Variants in DGKB observed in about 807,000 individuals in gnomAD.
The protein encoded by DGKB is 90 kDa diacylglycerol kinase.
A neutral mutation model predicts 114.3 loss-of-function variants in DGKB; 67 were observed. The ratio of observed to expected loss-of-function variants is 0.59; its 90% confidence interval spans 0.48 to 0.72. The LOEUF is 0.72. DGKB is among the 30% of genes least tolerant of loss of function. The pLI is 0.00. For synonymous variants in DGKB, 398 were observed against 323.1 expected, an observed-to-expected ratio of 1.23 and a Z score of -2.49; for missense variants, 907 against 975.2, an observed-to-expected ratio of 0.93 and a Z score of 0.93.
intron 13 of DGKB, among the ~76,000 whole-genome samples, chr7:14,636,810 A>G (rs1810841109): frequency 6.6e-6 from 1 of 151,930 alleles, no homozygotes; most frequent in African/African-American, 2.4e-5. Context: ...AACAATTCGA[A>G]AAGCCCAGAT....
intron 9 of DGKB, among the ~76,000 whole-genome samples, chr7:14,689,325 C>G (rs1830029): frequency 0.8 from 121,357 of 151,002 alleles, 48,725 homozygotes; most frequent in East Asian, 0.85. Context: ...CCTGCCTTCA[C>G]CCACTGCGCC....
chr7:14,149,836 A>C (rs1781921230), intron 25 of DGKB, among the ~76,000 whole-genome samples: 1 of 152,208 alleles, frequency 6.6e-6, no homozygotes, highest in Non-Finnish European at 1.5e-5. Flanking sequence ...AATTGGTAAT[A>C]TAATAGAATC....
At chr7:14,201,102 G>A (rs1785796582) in intron 23 of DGKB, among the ~76,000 whole-genome samples, 1 of 151,936 alleles carries the variant, frequency 6.6e-6, no homozygotes, top group Non-Finnish European at 1.5e-5. Flanking sequence ...TCACAGTTCT[G>A]GAGGCTGGAA....
At chr7:14,253,944 G>A (rs1227381487) in intron 23 of DGKB, among the ~76,000 whole-genome samples, 1 of 152,134 alleles carries the variant, frequency 6.6e-6, no homozygotes, top group African/African-American at 2.4e-5. Context: ...AGGTTATAAA[G>A]GTTATGTGTT....
intron 23 of DGKB, among the ~76,000 whole-genome samples, chr7:14,274,487 C>T (rs546618831): frequency 6.6e-6 from 1 of 152,208 alleles, no homozygotes; most frequent in African/African-American, 2.4e-5. Context: ...TTATCTTTAT[C>T]ACTTGATACC....
At chr7:14,670,310 C>T (rs141871877) in intron 13 of DGKB, among the ~76,000 whole-genome samples, 1 of 151,024 alleles carries the variant, frequency 6.6e-6, no homozygotes, top group South Asian at 2.1e-4. Context: ...TACACACACA[C>T]ATTTTTTTTT....
chr7:14,425,472 G>A (rs138957495), intron 21 of DGKB, among the ~76,000 whole-genome samples: 1 of 152,066 alleles, frequency 6.6e-6, no homozygotes, highest in African/African-American at 2.4e-5. Context: ...TTTTCATACT[G>A]AAATCAAATA....
At chr7:14,554,742 GC>G (rs1795633999) in intron 20 of DGKB, among the ~76,000 whole-genome samples, 1 of 151,908 alleles carries the variant, frequency 6.6e-6, no homozygotes, top group South Asian at 2.1e-4. Flanking sequence ...AATTTGAAAG[GC>G]AAAATATGGT....
At chr7:14,799,131 C>G (rs377693264) in intron 2 of DGKB, among the ~76,000 whole-genome samples, 35 of 152,234 alleles carry the variant, frequency 2.3e-4, no homozygotes, top group African/African-American at 7.9e-4. Flanking sequence ...ATTGAAACAT[C>G]GGTACCAGAT....
At chr7:14,569,034 T>C (rs1477122118) in intron 20 of DGKB, among the ~76,000 whole-genome samples, 1 of 152,206 alleles carries the variant, frequency 6.6e-6, no homozygotes, top group Non-Finnish European at 1.5e-5. Context: ...TTGTTATATA[T>C]TCAGGAATGA....
rs545076801 is a variant in DGKB, at chr7:14,161,139, C to T, written c.2305-11901G>A. ...TAACATCTCACGCCAGTTAGAATGG[C>T]GATCATTAAAAAGTCAGGAAACAAC... On this transcript the variant is annotated intron_variant, in intron 25 of 25. Transcript: ENST00000402815. Among the ~76,000 whole-genome samples the T allele has an allele frequency of 7.2e-5, 11 of 152,176 alleles. No homozygotes were observed. In the East Asian group the frequency reaches 1.5e-3, roughly 21 times the overall value.
At chr7:14,418,361 A>ATGTG (rs1170054869) in intron 21 of DGKB, among the ~76,000 whole-genome samples, 6 of 100,660 alleles carry the variant, frequency 6.0e-5, no homozygotes, top group African/African-American at 2.3e-4. Context: ...TCACATATAT[A>ATGTG]TGTGTGTGTG....
chr7:14,667,776 A>G (rs1256177582), intron 13 of DGKB, among the ~76,000 whole-genome samples: 1 of 152,116 alleles, frequency 6.6e-6, no homozygotes, highest in Non-Finnish European at 1.5e-5. Flanking sequence ...TTGAAGTATG[A>G]TCACTTAAAT....
At chr7:14,945,533 C>T (rs1457872323) in intron 1 of DGKB, among the ~76,000 whole-genome samples, 3 of 151,752 alleles carry the variant, frequency 2.0e-5, no homozygotes, top group Non-Finnish European at 4.4e-5. Flanking sequence ...ACAATCAGAT[C>T]TTTTATAAAT....
chr7:14,698,605 T>C (rs894008350), intron 7 of DGKB, among the ~76,000 whole-genome samples: 1 of 152,150 alleles, frequency 6.6e-6, no homozygotes, highest in South Asian at 2.1e-4. Flanking sequence ...GAATATACAT[T>C]GACTGTTTTA....
chr7:14,403,397 G>A (rs1320123156), intron 21 of DGKB, among the ~76,000 whole-genome samples: 1 of 151,872 alleles, frequency 6.6e-6, no homozygotes, highest in African/African-American at 2.4e-5. Flanking sequence ...GGCACAGTAT[G>A]CTTTCCCTAG....
chr7:14,596,774 T>C (rs1360349969), intron 17 of DGKB, among the ~76,000 whole-genome samples: 1 of 152,170 alleles, frequency 6.6e-6, no homozygotes, highest in African/African-American at 2.4e-5. Context: ...TACCAATACA[T>C]ATACAGGGCA....
intron 23 of DGKB, among the ~76,000 whole-genome samples, chr7:14,227,482 G>C (rs1385927513): frequency 1.1e-4 from 17 of 151,970 alleles, no homozygotes; most frequent in Admixed American, 1.1e-3. Context: ...TATCCAAAAA[G>C]GATCTGCTAA....
Position 14,956,728 on chromosome 7 carries a change from GAGA to G in DGKB, c.-188+17965_-188+17967del, listed in dbSNP as rs546606986. On this transcript the variant is annotated intron_variant, in intron 1 of 4. Transcript: ENST00000437998. ...GCATATAAATATACAGGCACTTGAG[GAGA>G]AGAAGATAATATAACCATGAGTGCA... Among the ~76,000 whole-genome samples, 663 of 152,074 alleles carry G rather than the reference GAGA, an allele frequency of 4.4e-3. 7 individuals carry two copies. The highest frequency in any genetic ancestry group is 0.015 in the African/African-American group (613 of 41,536).
Sources: allele counts gnomAD v4.1 joint callset (sites outside exome capture counted in the v4.1 genomes callset), GRCh38; gene constraint gnomAD v4.1.1; transcripts MANE v1.5; gene names NCBI Gene and HGNC (gene_info 2026-07-23, HGNC 2026-07-21).